RYR3: variants seen among roughly 807,000 people sequenced by gnomAD.
RYR3 encodes ryanodine receptor 3, also known as brain ryanodine receptor-calcium release channel.
In RYR3, 207 loss-of-function variants were observed where a neutral mutation model predicts 584.3. That is an observed-to-expected ratio of 0.35 (90% CI 0.32 to 0.40). The LOEUF is 0.40. Among genes scored for constraint, RYR3 ranks in the 10% least tolerant of loss-of-function variants. The pLI is 1.00. For synonymous variants in RYR3, 2,416 were observed against 2,248.5 expected, an observed-to-expected ratio of 1.07 and a Z score of -2.11; for missense variants, 5,616 against 6,089.2, an observed-to-expected ratio of 0.92 and a Z score of 2.59.
intron 1 of RYR3, among the ~76,000 whole-genome samples, chr15:33,383,322 A>G (rs527801620): frequency 2.0e-5 from 3 of 147,548 alleles, no homozygotes; most frequent in Admixed American, 6.9e-5. Flanking sequence ...ATGAGAGAGG[A>G]AAAAATAGAA....
intron 1 of RYR3, among the ~76,000 whole-genome samples, chr15:33,315,863 G>T (rs912147188): frequency 6.6e-6 from 1 of 152,218 alleles, no homozygotes; most frequent in African/African-American, 2.4e-5. Flanking sequence ...TGGGAAGGAG[G>T]TGGTGATGAC....
Position 33,688,264 on chromosome 15 carries a change from C to T in RYR3, c.5861-7954C>T, listed in dbSNP as rs574135844. Among the ~76,000 whole-genome samples, 3 of 152,174 alleles carry T rather than the reference C, an allele frequency of 2.0e-5. No individual in the cohort carries two copies. The South Asian group carries it at 6.2e-4, about 32-fold the overall frequency. ...AAAATGGGCAAAGGATATGAACAGA[C>T]ACTTCTCAAAAGAAGACATTTATGG... is the stretch of plus-strand genomic sequence containing the variant. On this transcript the variant is annotated intron_variant, in intron 38 of 103. Coordinates refer to ENST00000634891, the MANE Select transcript of RYR3 (RefSeq NM_001036.6).
intron 99 of RYR3, among the ~76,000 whole-genome samples, chr15:33,859,257 G>T (rs948512733): frequency 6.6e-6 from 1 of 152,226 alleles, no homozygotes; most frequent in Non-Finnish European, 1.5e-5. Flanking sequence ...AAAATTAAAT[G>T]AGGAAAAATT....
intron 2 of RYR3, among the ~76,000 whole-genome samples, chr15:33,482,674 C>T (rs1346024513): frequency 6.6e-6 from 1 of 152,194 alleles, no homozygotes. Context: ...CCACCTCAGC[C>T]TCCGAAAGTG....
chr15:33,477,916 C>A (rs2049568353), intron 2 of RYR3, among the ~76,000 whole-genome samples: 1 of 128,190 alleles, frequency 7.8e-6, no homozygotes, highest in African/African-American at 2.8e-5. Context: ...AGACTAGGGG[C>A]TATTACCAGA....
intron 1 of RYR3, among the ~76,000 whole-genome samples, chr15:33,435,805 G>C (rs541022992): frequency 6.6e-6 from 1 of 152,312 alleles, no homozygotes; most frequent in African/African-American, 2.4e-5. Context: ...CAAAGAGTGA[G>C]CAGCAGCAGC....
chr15:33,512,095 C>T (rs992577438), intron 3 of RYR3, among the ~76,000 whole-genome samples: 2 of 152,126 alleles, frequency 1.3e-5, no homozygotes, highest in African/African-American at 4.8e-5. Flanking sequence ...GTTTTTAAAG[C>T]CTCTCTTGTT....
chr15:33,731,533 G>A lies in RYR3; in HGVS notation c.7263G>A (p.Val2421=). 3.1e-6 allele frequency: 5 copies of A among 1,613,808 alleles called. No homozygotes were observed. The highest frequency in any genetic ancestry group is 4.2e-6 in the Non-Finnish European group (5 of 1,179,840). The change falls in exon 48 of 104, where the codon GTG becomes GTA. Residue 2421 remains valine, a synonymous_variant. Coordinates refer to ENST00000634891, the MANE Select transcript of RYR3 (RefSeq NM_001036.6). The part of the protein sequence containing the change: ...LALNRYICSA[V]LPLLTRCAPL... ...TAAATAGGTATATATGTTCTGCTGT[G>A]CTCCCGCTCCTCACAAGATGTGCCC... is the stretch of plus-strand genomic sequence containing the variant.
chr15:33,845,158 CG>C (rs1328605762), intron 93 of RYR3, 96 bp downstream of exon 93: 1 of 1,267,202 alleles, frequency 7.9e-7, no homozygotes, highest in African/African-American at 1.5e-5. Flanking sequence ...CTTTGCTAGC[CG>C]TAAAGGCCTT....
At chr15:33,607,255 G>A (rs2152561420) in intron 18 of RYR3, among the ~76,000 whole-genome samples, 1 of 152,274 alleles carries the variant, frequency 6.6e-6, no homozygotes, top group Admixed American at 6.5e-5. Flanking sequence ...ACTCATCAGA[G>A]GGGACTAAAT....
intron 48 of RYR3, among the ~76,000 whole-genome samples, chr15:33,733,334 C>T (rs969599910): frequency 6.6e-6 from 1 of 152,144 alleles, no homozygotes; most frequent in African/African-American, 2.4e-5. Context: ...ATTGCCAAAA[C>T]TTGGGAGCAA....
At chr15:33,451,569 G>T (rs1369622983) in intron 1 of RYR3, among the ~76,000 whole-genome samples, 1 of 152,232 alleles carries the variant, frequency 6.6e-6, no homozygotes, top group Non-Finnish European at 1.5e-5. Flanking sequence ...AGTGACGTCT[G>T]CAGCAGCGTG....
intron 1 of RYR3, among the ~76,000 whole-genome samples, chr15:33,471,155 G>C (rs575979833): frequency 1.3e-5 from 2 of 152,200 alleles, no homozygotes; most frequent in African/African-American, 4.8e-5. Flanking sequence ...GCTATATGAA[G>C]CAAAGGCAGG....
chr15:33,492,451 A>G (rs1270145899), intron 2 of RYR3, among the ~76,000 whole-genome samples: 2 of 124,308 alleles, frequency 1.6e-5, no homozygotes, highest in African/African-American at 6.3e-5. Context: ...TAGAGATATT[A>G]TTTCTCTCAA....
intron 1 of RYR3, among the ~76,000 whole-genome samples, chr15:33,426,340 C>G (rs1334474736): frequency 6.6e-6 from 1 of 152,126 alleles, no homozygotes; most frequent in Non-Finnish European, 1.5e-5. Flanking sequence ...TCCTTTGGTA[C>G]TCTTCAGCCT....
At chr15:33,484,596 G>A (rs2050253980) in intron 2 of RYR3, among the ~76,000 whole-genome samples, 1 of 151,404 alleles carries the variant, frequency 6.6e-6, no homozygotes, top group Non-Finnish European at 1.5e-5. Context: ...AATAGGAGAT[G>A]AATAGGCTTG....
chr15:33,541,842 T>C (rs1228895801), intron 7 of RYR3, among the ~76,000 whole-genome samples: 1 of 152,146 alleles, frequency 6.6e-6, no homozygotes, highest in Non-Finnish European at 1.5e-5. Flanking sequence ...CCCTCTTCCT[T>C]TGTGCCAAAA....
At chr15:33,713,094 C>T (rs544893241) in intron 43 of RYR3, among the ~76,000 whole-genome samples, 298 of 152,214 alleles carry the variant, frequency 2.0e-3, no homozygotes, top group African/African-American at 7.0e-3. Context: ...AAAGGTGATT[C>T]AAAAGGACTT....
At chr15:33,790,955 G>A (rs2075119002) in intron 67 of RYR3, among the ~76,000 whole-genome samples, 1 of 152,180 alleles carries the variant, frequency 6.6e-6, no homozygotes, top group Non-Finnish European at 1.5e-5. Flanking sequence ...TAAATAAGAT[G>A]AGAACTGAGA....
Sources: gnomAD v4.1 joint callset for allele counts (sites outside exome capture counted in the v4.1 genomes callset) on GRCh38, gnomAD v4.1.1 for gene constraint, MANE v1.5 for transcripts, NCBI Gene and HGNC (gene_info 2026-07-23, HGNC 2026-07-21) for gene names.